Variants in TBL1X observed in about 807,000 individuals in gnomAD.
TBL1X encodes F-box-like/WD repeat-containing protein TBL1X.
A neutral mutation model predicts 50.7 loss-of-function variants in TBL1X; 10 were observed. The ratio of observed to expected loss-of-function variants is 0.20; its 90% CI spans 0.12 to 0.33. The LOEUF (loss-of-function observed/expected upper bound fraction) is 0.33. Ranked by LOEUF, TBL1X falls within the 10% of genes least tolerant of loss-of-function variation. The pLI is 1.00. For synonymous variants in TBL1X, 190 were observed against 214.7 expected (o/e 0.88, Z 1.01); for missense variants, 340 against 504.4 (o/e 0.67, Z 3.12).
chrX:9,552,894 G>A (rs1157412374), intron 2 of TBL1X, among the ~76,000 whole-genome samples: 1 of 112,028 alleles, frequency 8.9e-6, no homozygotes, highest in Non-Finnish European at 1.9e-5. Flanking sequence ...TGTAATCCCA[G>A]CACTTGAGGA....
chrX:9,643,717 C>G (rs1399776973), intron 3 of TBL1X, among the ~76,000 whole-genome samples: 3 of 110,893 alleles, frequency 2.7e-5, no homozygotes, highest in Non-Finnish European at 5.7e-5. Context: ...AATAATTAGC[C>G]AGAGGTGGTA....
Position 9,691,586 on chromosome X carries a change from C to T in TBL1X, c.624C>T (p.His208=), listed in dbSNP as rs1459859253. ...EENRAHSVNN[H]AKPMEIDGEV... ...TTGTGTTTGCTGTGACAGATAATCA[C>T]GCGAAGCCAATGGAAATAGATGGAG... The change falls in exon 8 of 18, where the codon CAC becomes CAT. Residue 208 remains histidine, a synonymous_variant. Coordinates refer to ENST00000645353, the MANE Select transcript of TBL1X (RefSeq NM_005647.4). 3.3e-6 allele frequency: 4 copies of T among 1,210,539 alleles called. No individual in the cohort carries two copies. In the East Asian group the frequency reaches 8.9e-5, roughly 27 times the overall value.
At chrX:9,498,793 G>T (rs1013275756) in intron 1 of TBL1X, among the ~76,000 whole-genome samples, 1 of 112,392 alleles carries the variant, frequency 8.9e-6, no homozygotes, top group African/African-American at 3.2e-5. Context: ...TAGGTTTTGC[G>T]TGCTGTCCGC....
chrX:9,513,175 C>A, intron 2 of TBL1X, among the ~76,000 whole-genome samples: 1 of 111,208 alleles, frequency 9.0e-6, no homozygotes, highest in Non-Finnish European at 1.9e-5. Flanking sequence ...ATGATGACCT[C>A]TCTGCTTTTT....
At position 9,686,468 on chromosome X, in the gene TBL1X, C is replaced by G. The variant is rs559980262; in HGVS notation, c.358-1549C>G. Reference sequence around the variant, plus strand: ...ATCGCAGCACTTTGGGAAGCCAAGGCAGGAGGGTTGCCTGAGGCCAGAAGT... The same window carrying G: ...ATCGCAGCACTTTGGGAAGCCAAGGGAGGAGGGTTGCCTGAGGCCAGAAGT... On this transcript the variant is annotated intron_variant, in intron 6 of 17. Coordinates refer to ENST00000645353, the MANE Select transcript of TBL1X (RefSeq NM_005647.4). Among the ~76,000 whole-genome samples the G allele has an allele frequency of 4.4e-5, 5 of 112,440 alleles. No individual in the cohort carries two copies. The South Asian group carries it at 1.8e-3, about 41-fold the overall frequency.
chrX:9,529,409 G>T lies in TBL1X; in HGVS notation c.-131+27560G>T, dbSNP rs1312401538. Among the ~76,000 whole-genome samples the T allele has an allele frequency of 4.5e-5, 5 of 111,554 alleles. No homozygotes were observed. In the East Asian group the frequency reaches 1.1e-3, roughly 25 times the overall value. ...CCTGAGGGATGATGGCCTCATCTCC[G>T]CAGTTGCCTGGAATGCTGAATTTCA... On this transcript the variant is annotated intron_variant, in intron 2 of 17. Coordinates refer to ENST00000645353, the MANE Select transcript of TBL1X (RefSeq NM_005647.4).
Position 9,713,190 on chromosome X carries a change from C to T in TBL1X, c.1605+1414C>T, listed in dbSNP as rs764461248. ...TGGACCCTGCGTAGAGCCAACCCGA[C>T]GCCAAGCCCAGCCCCACAGCCCTAG... On this transcript the variant is annotated intron_variant, in intron 16 of 17. Transcript: ENST00000645353. Among the ~76,000 whole-genome samples the T allele has an allele frequency of 3.3e-4, 37 of 111,185 alleles. No individual in the cohort carries two copies. In the South Asian group the frequency reaches 9.3e-3, roughly 28 times the overall value.
chrX:9,663,760 CAAAAAAAAA>C (rs57927750), intron 5 of TBL1X, among the ~76,000 whole-genome samples: 2 of 39,302 alleles, frequency 5.1e-5, no homozygotes, highest in East Asian at 1.0e-3. Flanking sequence ...GATTCTGTCT[CAAAAAAAAA>C]AAAAAAAAAA....
chrX:9,627,008 A>G (rs2082696027), intron 2 of TBL1X, among the ~76,000 whole-genome samples: 1 of 112,467 alleles, frequency 8.9e-6, no homozygotes, highest in South Asian at 3.7e-4. Context: ...AGGATTCTGT[A>G]GTCATTTATA....
intron 5 of TBL1X, among the ~76,000 whole-genome samples, chrX:9,683,787 G>A (rs1345782333): frequency 9.0e-6 from 1 of 110,970 alleles, no homozygotes; most frequent in Admixed American, 9.6e-5. Flanking sequence ...ACACTGAAAC[G>A]GTTCTACCAT....
intron 2 of TBL1X, among the ~76,000 whole-genome samples, chrX:9,547,234 C>G (rs1362983672): frequency 9.0e-6 from 1 of 111,576 alleles, no homozygotes; most frequent in African/African-American, 3.3e-5. Flanking sequence ...GCACTGTGTT[C>G]TTCTGTCACG....
intron 14 of TBL1X, 143 bp from the exon 15 acceptor site, chrX:9,709,490 G>T: frequency 1.0e-6 from 1 of 1,001,157 alleles, no homozygotes. Flanking sequence ...ACTGAGAATC[G>T]CAGCCTCCCT....
At position 9,709,132 on chromosome X, in the gene TBL1X, G is replaced by C. The variant is rs748198985; in HGVS notation, c.1237-116G>C. On this transcript the variant is annotated intron_variant, in intron 13 of 17. Coordinates refer to ENST00000645353, the MANE Select transcript of TBL1X (RefSeq NM_005647.4). Reference sequence around the variant, plus strand: ...GTTGGGCTGTGCCCTTTGATGTCAGGCTGAAGCCGAAGACCTTCTGCAGCG... The same window carrying C: ...GTTGGGCTGTGCCCTTTGATGTCAGCCTGAAGCCGAAGACCTTCTGCAGCG... 13 of 679,013 alleles carry C rather than the reference G, an allele frequency of 1.9e-5. No homozygotes were observed. In the African/African-American group the frequency reaches 2.9e-4, roughly 15 times the overall value. The allele number at this position is 679,013 out of a possible 1,213,427, so 56.0% of individuals were successfully genotyped here.
intron 2 of TBL1X, among the ~76,000 whole-genome samples, chrX:9,543,174 G>A (rs2082223939): frequency 8.9e-6 from 1 of 111,968 alleles, no homozygotes; most frequent in Admixed American, 9.4e-5. Flanking sequence ...TCCGTGTGCT[G>A]GGATTCTGGC....
At chrX:9,582,065 A>C (rs1312396959) in intron 2 of TBL1X, among the ~76,000 whole-genome samples, 1 of 112,373 alleles carries the variant, frequency 8.9e-6, no homozygotes, top group Non-Finnish European at 1.9e-5. Context: ...AGAACCTTCA[A>C]CGTCTTTACA....
At chrX:9,513,995 G>A (rs1230018600) in intron 2 of TBL1X, among the ~76,000 whole-genome samples, 1 of 109,877 alleles carries the variant, frequency 9.1e-6, no homozygotes, top group African/African-American at 3.3e-5. Flanking sequence ...CAGGGGGAGG[G>A]CACCAAGCCA....
At chrX:9,683,049 A>G (rs759510912) in intron 5 of TBL1X, among the ~76,000 whole-genome samples, 3 of 110,994 alleles carry the variant, frequency 2.7e-5, no homozygotes, top group Admixed American at 9.6e-5. Context: ...CCGCCTCTGC[A>G]CCAAGCAAAG....
At chrX:9,627,800 C>G (rs1308597636) in intron 2 of TBL1X, among the ~76,000 whole-genome samples, 1 of 112,368 alleles carries the variant, frequency 8.9e-6, no homozygotes, top group East Asian at 2.8e-4. Flanking sequence ...TCAAATCCTA[C>G]TACTTGTTAC....
At chrX:9,686,926 G>C (rs2083063383) in intron 6 of TBL1X, among the ~76,000 whole-genome samples, 1 of 112,322 alleles carries the variant, frequency 8.9e-6, no homozygotes, top group African/African-American at 3.2e-5. Flanking sequence ...TCTTTACATA[G>C]GTTGTATTGT....
Sources: gnomAD v4.1 joint callset for allele counts (sites outside exome capture counted in the v4.1 genomes callset) on GRCh38, gnomAD v4.1.1 for gene constraint, MANE v1.5 for transcripts, NCBI Gene and HGNC (gene_info 2026-07-23, HGNC 2026-07-21) for gene names.